The following SGCD variants were observed in gnomAD, a reference collection of about 807,000 sequenced individuals.
SGCD encodes sarcoglycan delta.
A neutral mutation model predicts 36.6 loss-of-function variants in SGCD; 18 were observed. The observed-to-expected ratio is 0.49, with a 90% CI of 0.34 to 0.73. The LOEUF is 0.73. SGCD is among the 30% of genes least tolerant of loss of function. SGCD has a pLI of 0.01. For synonymous variants in SGCD, 133 were observed against 130.6 expected (o/e 1.02, Z -0.12); for missense variants, 387 against 346.7 (o/e 1.12, Z -0.92).
chr5:156,331,039 A>G (rs1458474929), intron 2 of SGCD, among the ~76,000 whole-genome samples: 1 of 152,226 alleles, frequency 6.6e-6, no homozygotes, highest in Non-Finnish European at 1.5e-5. Flanking sequence ...AAATATATTA[A>G]TACATATAGT....
chr5:156,672,940 A>G (rs771337350), intron 7 of SGCD, among the ~76,000 whole-genome samples: 5 of 152,128 alleles, frequency 3.3e-5, no homozygotes, highest in Non-Finnish European at 5.9e-5. Context: ...CTCAGCTTTA[A>G]TGTCTTTTCC....
intron 3 of SGCD, among the ~76,000 whole-genome samples, chr5:156,270,230 T>G (rs1299617830): frequency 6.6e-6 from 1 of 152,166 alleles, no homozygotes; most frequent in Non-Finnish European, 1.5e-5. Context: ...GGTCTATATG[T>G]CTGTTTTTGT....
chr5:156,202,102 G>A (rs1764165761), intron 3 of SGCD, among the ~76,000 whole-genome samples: 1 of 152,108 alleles, frequency 6.6e-6, no homozygotes, highest in African/African-American at 2.4e-5. Flanking sequence ...CTAATACTCT[G>A]GTTGCCTCTT....
chr5:155,780,649 G>A, the SGCD span, among the ~76,000 whole-genome samples: 873 of 152,264 alleles, frequency 5.7e-3, 7 homozygotes, highest in South Asian at 0.045. Context: ...ATGATGGCAG[G>A]TGGAATGCAG....
chr5:155,951,380 T>C (rs559438782), intron 1 of SGCD, among the ~76,000 whole-genome samples: 1 of 152,146 alleles, frequency 6.6e-6, no homozygotes, highest in East Asian at 1.9e-4. Flanking sequence ...GACCCAATGA[T>C]GTGGTTAAAT....
At chr5:156,009,555 G>A (rs553587573) in intron 1 of SGCD, among the ~76,000 whole-genome samples, 76 of 152,276 alleles carry the variant, frequency 5.0e-4, no homozygotes, top group Admixed American at 1.2e-3. Context: ...ATTCCCTGCT[G>A]CCAGATGTCC....
At chr5:156,567,624 T>C (rs984422686) in intron 4 of SGCD, among the ~76,000 whole-genome samples, 4 of 152,144 alleles carry the variant, frequency 2.6e-5, no homozygotes, top group Non-Finnish European at 5.9e-5. Flanking sequence ...CTACCCATAT[T>C]ATGGAGAGCA....
chr5:156,442,130 C>A (rs1164244508), intron 3 of SGCD, among the ~76,000 whole-genome samples: 1 of 152,098 alleles, frequency 6.6e-6, no homozygotes, highest in Non-Finnish European at 1.5e-5. Flanking sequence ...AGAATTCAGC[C>A]GCAGGGTTGT....
At chr5:156,559,334 G>A (rs1219413314) in intron 4 of SGCD, among the ~76,000 whole-genome samples, 4 of 152,186 alleles carry the variant, frequency 2.6e-5, no homozygotes, top group African/African-American at 9.6e-5. Context: ...TCTTCAGACT[G>A]TGACCACACC....
At chr5:156,115,894 T>C (rs981473858) in intron 1 of SGCD, among the ~76,000 whole-genome samples, 6 of 152,134 alleles carry the variant, frequency 3.9e-5, no homozygotes, top group African/African-American at 1.4e-4. Context: ...CAACTTGATG[T>C]AATTTAGGTT....
At chr5:156,092,939 G>T (rs923539926) in intron 1 of SGCD, among the ~76,000 whole-genome samples, 2 of 152,254 alleles carry the variant, frequency 1.3e-5, no homozygotes, top group Admixed American at 1.3e-4. Context: ...TAAGAACTGA[G>T]TAAGTGGCAT....
chr5:155,784,031 G>A, the SGCD span, among the ~76,000 whole-genome samples: 1 of 152,268 alleles, frequency 6.6e-6, no homozygotes, highest in Non-Finnish European at 1.5e-5. Context: ...ATGAGCCACT[G>A]TAGTCAGCAA....
Position 155,890,339 on chromosome 5 carries a change from G to A in SGCD, c.-282+19915G>A, listed in dbSNP as rs771029142. On this transcript the variant is annotated intron_variant, in intron 1 of 9. Coordinates refer to the SGCD transcript ENST00000517913. The stretch of plus-strand genomic sequence containing the variant: ...ACAGTCTGCAAAATAAAAGGGAAGG[G>A]TTGGCTGGGTGTGATGGCTCATGGC... 4.6e-5 allele frequency among the ~76,000 whole-genome samples: 7 copies of A among 152,224 alleles called. No individual in the cohort carries two copies. The South Asian group carries it at 8.3e-4, about 18-fold the overall frequency.
chr5:156,479,925 T>C (rs1425622817), intron 3 of SGCD, among the ~76,000 whole-genome samples: 5 of 152,064 alleles, frequency 3.3e-5, no homozygotes. Flanking sequence ...ATGCAGTTGC[T>C]ACAATTTCAA....
At chr5:156,015,309 G>A (rs1046323804) in intron 1 of SGCD, among the ~76,000 whole-genome samples, 4 of 151,808 alleles carry the variant, frequency 2.6e-5, no homozygotes, top group Admixed American at 2.6e-4. Context: ...GAATTATTTT[G>A]CTGCTAAATT....
At chr5:156,268,469 T>G (rs949151550) in intron 3 of SGCD, among the ~76,000 whole-genome samples, 1 of 152,216 alleles carries the variant, frequency 6.6e-6, no homozygotes, top group Non-Finnish European at 1.5e-5. Flanking sequence ...TGTTCCCTTT[T>G]CTCTACAACC....
chr5:155,770,184 C>G, the SGCD span, among the ~76,000 whole-genome samples: 1 of 152,084 alleles, frequency 6.6e-6, no homozygotes, highest in Admixed American at 6.6e-5. Flanking sequence ...CCCAAGGAGG[C>G]AAGCAAATCA....
intron 1 of SGCD, among the ~76,000 whole-genome samples, chr5:156,034,825 G>C (rs1759448895): frequency 6.6e-6 from 1 of 152,220 alleles, no homozygotes; most frequent in African/African-American, 2.4e-5. Flanking sequence ...CTCATGCATA[G>C]TAAGCACTTA....
chr5:156,413,636 C>G (rs1580953030), intron 3 of SGCD, among the ~76,000 whole-genome samples: 1 of 152,208 alleles, frequency 6.6e-6, no homozygotes, highest in Non-Finnish European at 1.5e-5. Flanking sequence ...GCCACCACAC[C>G]TGGCTACTTT....
Sources: gnomAD v4.1 joint callset for allele counts (sites outside exome capture counted in the v4.1 genomes callset) on GRCh38, gnomAD v4.1.1 for gene constraint, MANE v1.5 for transcripts, NCBI Gene and HGNC (gene_info 2026-07-23, HGNC 2026-07-21) for gene names.